Variants in STN1 observed in about 807,000 individuals in gnomAD.
STN1 encodes STN1 subunit of CST complex, also known as CST complex subunit STN1.
A neutral mutation model predicts 45.5 loss-of-function variants in STN1; 29 were observed. The observed-to-expected ratio is 0.64, with a 90% confidence interval of 0.47 to 0.87. The LOEUF (loss-of-function observed/expected upper bound fraction) is 0.87. Among genes scored for constraint, STN1 ranks in the 40% least tolerant of loss-of-function variants. The pLI is 0.00. For missense variants in STN1, 376 were observed against 441.4 expected, an observed-to-expected ratio of 0.85 and a Z score of 1.33; for synonymous variants, 148 against 159.0, an observed-to-expected ratio of 0.93 and a Z score of 0.52.
chr10:103,904,225 A>G (rs996840619), intron 4 of STN1, among the ~76,000 whole-genome samples: 1 of 152,196 alleles, frequency 6.6e-6, no homozygotes, highest in African/African-American at 2.4e-5. Context: ...AAAACACAGG[A>G]AAAACAAGGT....
chr10:103,915,230 T>G (rs1489377303), intron 2 of STN1, among the ~76,000 whole-genome samples: 1 of 152,178 alleles, frequency 6.6e-6, no homozygotes, highest in Non-Finnish European at 1.5e-5. Flanking sequence ...TGAGGTCTCA[T>G]AAGGTAGGCA....
chr10:103,902,208 G>A (rs1044816701), intron 4 of STN1, among the ~76,000 whole-genome samples: 5 of 152,130 alleles, frequency 3.3e-5, no homozygotes, highest in Non-Finnish European at 7.3e-5. Context: ...GAACCTGGAC[G>A]CAATCAGCAT....
chr10:103,907,058 G>C (rs1843246320), intron 3 of STN1, among the ~76,000 whole-genome samples: 1 of 151,998 alleles, frequency 6.6e-6, no homozygotes, highest in South Asian at 2.1e-4. Flanking sequence ...GCTGCAGTGT[G>C]CTATGATTGT....
At chr10:103,895,661 G>A (rs1843166485) in intron 7 of STN1, among the ~76,000 whole-genome samples, 1 of 152,204 alleles carries the variant, frequency 6.6e-6, no homozygotes, top group Non-Finnish European at 1.5e-5. Context: ...ACATCAGGCT[G>A]TTGCCCAGAA....
chr10:103,918,088 A>T lies in STN1; in HGVS notation c.-63+12T>A, dbSNP rs1273056446. The T allele has an allele frequency of 1.3e-5, 2 of 153,238 alleles. No homozygotes were observed. The highest frequency in any genetic ancestry group is 2.9e-5 in the Non-Finnish European group (2 of 68,668). 9.5% of individuals were successfully genotyped at this position (153,238 alleles called of 1,614,324 possible). A position where few individuals can be genotyped will look rare whatever the true frequency, so the allele number is the denominator to read the frequency against. On this transcript the variant is annotated intron_variant, in intron 1 of 9. Coordinates refer to ENST00000224950, the MANE Select transcript of STN1 (RefSeq NM_024928.5). ...GAAAAGGAGGAAAAAAGATACTAAA[A>T]AATGGACCCACTTGTAGCCCCTCCC...
intron 9 of STN1, among the ~76,000 whole-genome samples, chr10:103,884,135 C>T (rs1166436463): frequency 2.8e-5 from 4 of 144,348 alleles, no homozygotes; most frequent in African/African-American, 1.0e-4. Context: ...ATCACTGCTG[C>T]TAATCAGAGT....
chr10:103,893,493 A>G (rs1843153567), intron 7 of STN1, among the ~76,000 whole-genome samples: 1 of 152,174 alleles, frequency 6.6e-6, no homozygotes, highest in South Asian at 2.1e-4. Flanking sequence ...AATGTGACAG[A>G]AATTTGTCAA....
intron 2 of STN1, among the ~76,000 whole-genome samples, chr10:103,911,889 C>A (rs1843294248): frequency 6.6e-6 from 1 of 152,004 alleles, no homozygotes; most frequent in Non-Finnish European, 1.5e-5. Context: ...GAGAAAGAGT[C>A]CAAAGAATGA....
Position 103,889,068 on chromosome 10 carries a change from T to C in STN1, c.949+4A>G. On this transcript the variant is annotated splice_donor_region_variant and intron_variant, in intron 9 of 9. Transcript: ENST00000224950. ...GGGCATCACTTGTACATTATACCAC[T>C]TACGATTTGGTTTCTGGCAGTCCTG... 6.2e-7 allele frequency: 1 copy of C among 1,607,316 alleles called. No homozygotes were observed. Among genetic ancestry groups the C allele is most frequent in the Non-Finnish European group, 8.5e-7 (1 of 1,173,824 alleles).
chr10:103,908,677 C>T (rs1843259957), intron 3 of STN1, among the ~76,000 whole-genome samples: 1 of 152,184 alleles, frequency 6.6e-6, no homozygotes, highest in Admixed American at 6.5e-5. Context: ...ATGTTTCATG[C>T]TCCTCAGACA....
At chr10:103,903,841 G>A (rs1843224575) in intron 4 of STN1, among the ~76,000 whole-genome samples, 1 of 152,142 alleles carries the variant, frequency 6.6e-6, no homozygotes, top group South Asian at 2.1e-4. Context: ...TTTATTTCTT[G>A]CCTATGAGGT....
At chr10:103,916,448 A>G (rs1448989238) in intron 2 of STN1, among the ~76,000 whole-genome samples, 2 of 152,244 alleles carry the variant, frequency 1.3e-5, no homozygotes, top group African/African-American at 4.8e-5. Context: ...ATTAGGAAAT[A>G]AAGGTGTGGC....
rs948778718 is a variant in STN1, at chr10:103,880,847, A to C, written c.*1837T>G. ...GGTGTCCTGAAAGCCAAACGCGGAA[A>C]GTACTTCCAGGAGAAGGGAGTGGTC... On this transcript the variant is annotated 3_prime_UTR_variant, in exon 10 of 10. Coordinates refer to ENST00000224950, the MANE Select transcript of STN1 (RefSeq NM_024928.5). Among the ~76,000 whole-genome samples the C allele has an allele frequency of 1.3e-5, 2 of 152,198 alleles. No individual in the cohort carries two copies. Among genetic ancestry groups the C allele is most frequent in the African/African-American group, 2.4e-5 (1 of 41,446 alleles).
rs552868396 is a variant in STN1, at chr10:103,879,355, T to C, written c.*3329A>G. 6.6e-6 allele frequency: 1 copy of C among 152,374 alleles called. No individual in the cohort carries two copies. The highest frequency in any genetic ancestry group is 1.9e-4 in the East Asian group (1 of 5,188). The allele number at this position is 152,374 out of a possible 1,614,324, so 9.4% of individuals were successfully genotyped here. A position where few individuals can be genotyped will look rare whatever the true frequency, so the allele number is the denominator to read the frequency against. Reference sequence around the variant, plus strand: ...ATGGAGTGTGTTAGGCAGTATCAAGTACTGTGAAGAAAAACGAAGTAGGAA... The same window carrying C: ...ATGGAGTGTGTTAGGCAGTATCAAGCACTGTGAAGAAAAACGAAGTAGGAA... On this transcript the variant is annotated 3_prime_UTR_variant, in exon 10 of 10. Coordinates refer to ENST00000224950, the MANE Select transcript of STN1 (RefSeq NM_024928.5).
At position 103,897,697 on chromosome 10, in the gene STN1, G is replaced by T; in HGVS notation, c.604C>A (p.Pro202Thr). ...ALSNPGALDL[P>T]SLTSLLSEKA... is the part of the protein sequence containing the mutation. ...TCACTCAGCAAACTCGTGAGACTGGGGAGGTCCAGGGCGCCTGGATTGCTG... is the reference window on the plus strand; with the variant it reads ...TCACTCAGCAAACTCGTGAGACTGGTGAGGTCCAGGGCGCCTGGATTGCTG... The change falls in exon 7 of 10, where the codon CCC becomes ACC. Residue 202 changes from proline to threonine, a missense_variant. Physicochemically the swap from Pro to Thr is conservative, Grantham distance 38. Coordinates refer to ENST00000224950, the MANE Select transcript of STN1 (RefSeq NM_024928.5). 4 of 1,614,206 alleles carry T rather than the reference G, an allele frequency of 2.5e-6. No homozygotes were observed. The highest frequency in any genetic ancestry group is 3.4e-6 in the Non-Finnish European group (4 of 1,180,018).
intron 9 of STN1, among the ~76,000 whole-genome samples, chr10:103,886,469 T>C (rs545102171): frequency 3.8e-4 from 58 of 152,014 alleles, no homozygotes; most frequent in African/African-American, 1.4e-3. Context: ...ATGTTCAACA[T>C]AGAGCTCTTT....
rs1564636830 is a variant in STN1, at chr10:103,917,862, TCTC to T, written c.-62-209_-62-207del. On this transcript the variant is annotated intron_variant, in intron 1 of 9. Transcript: ENST00000224950. ...GCGTTCCTTACGGCTCTCCCGCTGT[TCTC>T]CTTCCCACAAAGCACCAACTTCGGA... is the stretch of plus-strand genomic sequence containing the variant. 2.0e-5 allele frequency among the ~76,000 whole-genome samples: 3 copies of T among 152,268 alleles called. No individual in the cohort carries two copies. In the East Asian group the frequency reaches 5.8e-4, roughly 30 times the overall value.
chr10:103,900,105 G>C lies in STN1; in HGVS notation c.414C>G (p.Ile138Met). 1 of 1,614,172 alleles carries C rather than the reference G, an allele frequency of 6.2e-7. No individual in the cohort carries two copies. The change falls in exon 5 of 10, where the codon ATC (isoleucine) becomes ATG (methionine). Residue 138 changes from isoleucine to methionine, a missense_variant. Physicochemically the swap from Ile to Met is conservative, Grantham distance 10. Coordinates refer to ENST00000224950, the MANE Select transcript of STN1 (RefSeq NM_024928.5). The part of the protein sequence containing the change: ...IGDTIRVRGS[I>M]RTYREEREIH... ...TCTCTCGCTCTTCTCTGTATGTGCGGATACTGCCTCTGACTCGGATCGTGT... is the reference window on the plus strand; with the variant it reads ...TCTCTCGCTCTTCTCTGTATGTGCGCATACTGCCTCTGACTCGGATCGTGT...
chr10:103,882,492 C>A lies in STN1; in HGVS notation c.*192G>T. 1.8e-6 allele frequency: 1 copy of A among 548,684 alleles called. No homozygotes were observed. Among genetic ancestry groups the A allele is most frequent in the South Asian group, 2.8e-5 (1 of 36,352 alleles). 34.0% of individuals were successfully genotyped at this position (548,684 alleles called of 1,614,324 possible). On this transcript the variant is annotated 3_prime_UTR_variant, in exon 10 of 10. Transcript: ENST00000224950. Reference sequence around the variant, plus strand: ...GGCTGAGATCAAAGTCATTGTACACCAAGGACATAGTGGACAGAAGGGAGC... The same window carrying A: ...GGCTGAGATCAAAGTCATTGTACACAAAGGACATAGTGGACAGAAGGGAGC...
Sources: allele counts gnomAD v4.1 joint callset (sites outside exome capture counted in the v4.1 genomes callset), GRCh38; gene constraint gnomAD v4.1.1; transcripts MANE v1.5; gene names NCBI Gene and HGNC (gene_info 2026-07-23, HGNC 2026-07-21).